Variants in FSTL4 observed in about 807,000 individuals in gnomAD.
FSTL4 encodes follistatin like 4.
In FSTL4, 28 loss-of-function variants were observed where a neutral mutation model predicts 78.2. That is an observed-to-expected ratio of 0.36 (90% CI 0.27 to 0.49). The LOEUF (loss-of-function observed/expected upper bound fraction) is 0.49, where lower values mean the gene tolerates loss of function less well. Among genes scored for constraint, FSTL4 ranks in the 20% least tolerant of loss-of-function variants. The pLI, the probability that FSTL4 is intolerant of heterozygous loss-of-function variation, is 0.98. For synonymous variants in FSTL4, 422 were observed against 440.5 expected (o/e 0.96, Z 0.53); for missense variants, 922 against 1,084.9 (o/e 0.85, Z 2.11).
At chr5:133,451,645 C>A (rs1463949245) in intron 3 of FSTL4, among the ~76,000 whole-genome samples, 2 of 152,154 alleles carry the variant, frequency 1.3e-5, no homozygotes, top group African/African-American at 4.8e-5. Flanking sequence ...TGGAGCAGAG[C>A]CACCACCTCT....
the FSTL4 span, among the ~76,000 whole-genome samples, chr5:133,680,559 TTGA>T: frequency 6.6e-6 from 1 of 152,228 alleles, no homozygotes; most frequent in Non-Finnish European, 1.5e-5. Flanking sequence ...TCTCCTCTTC[TTGA>T]TGATCTCATA....
At chr5:133,690,592 T>C in the FSTL4 span, among the ~76,000 whole-genome samples, 2 of 152,214 alleles carry the variant, frequency 1.3e-5, no homozygotes, top group Admixed American at 6.5e-5. Flanking sequence ...GTAGGGACTA[T>C]CAAGCATCTG....
At chr5:133,691,856 G>A in the FSTL4 span, among the ~76,000 whole-genome samples, 2 of 152,202 alleles carry the variant, frequency 1.3e-5, no homozygotes, top group African/African-American at 2.4e-5. Context: ...AGTGACGGCA[G>A]GGGATGGGAC....
intron 3 of FSTL4, among the ~76,000 whole-genome samples, chr5:133,545,584 T>A (rs934484609): frequency 1.3e-5 from 2 of 152,208 alleles, no homozygotes; most frequent in African/African-American, 4.8e-5. Context: ...TTACCCACTA[T>A]CAGGTATTTA....
chr5:133,257,321 C>T (rs774279636), intron 6 of FSTL4, among the ~76,000 whole-genome samples: 6 of 152,146 alleles, frequency 3.9e-5, no homozygotes, highest in Admixed American at 6.5e-5. Flanking sequence ...TCCTGTAAAG[C>T]CTGGTTGCCC....
At chr5:133,696,973 G>A in the FSTL4 span, among the ~76,000 whole-genome samples, 10 of 152,314 alleles carry the variant, frequency 6.6e-5, no homozygotes, top group East Asian at 9.7e-4. Flanking sequence ...ACACCCTAGC[G>A]TCAGGTCCTT....
intron 3 of FSTL4, among the ~76,000 whole-genome samples, chr5:133,451,320 G>C (rs896892191): frequency 2.0e-5 from 3 of 152,110 alleles, no homozygotes; most frequent in Non-Finnish European, 4.4e-5. Context: ...CAGCACTTTG[G>C]GAGGCAGAGG....
chr5:133,390,972 C>T (rs1580672775), intron 4 of FSTL4, among the ~76,000 whole-genome samples: 1 of 152,220 alleles, frequency 6.6e-6, no homozygotes, highest in Admixed American at 6.5e-5. Flanking sequence ...ACCCACTGTC[C>T]TCCCAGCCAC....
At chr5:133,438,374 A>C (rs563688879) in intron 3 of FSTL4, among the ~76,000 whole-genome samples, 11 of 152,212 alleles carry the variant, frequency 7.2e-5, no homozygotes, top group Non-Finnish European at 1.3e-4. Context: ...TGGTGTGGGT[A>C]TTTCAAAACC....
At chr5:133,291,487 T>C (rs1159626950) in intron 6 of FSTL4, among the ~76,000 whole-genome samples, 1 of 152,208 alleles carries the variant, frequency 6.6e-6, no homozygotes, top group Non-Finnish European at 1.5e-5. Context: ...GTGGCTGTGG[T>C]AGACACTGTA....
intron 6 of FSTL4, among the ~76,000 whole-genome samples, chr5:133,283,971 C>T (rs1335798947): frequency 6.6e-6 from 1 of 152,156 alleles, no homozygotes; most frequent in Non-Finnish European, 1.5e-5. Flanking sequence ...TTGAAAACAT[C>T]AGATCTTGTG....
chr5:133,259,977 A>G (rs977450935), intron 6 of FSTL4, among the ~76,000 whole-genome samples: 1 of 152,142 alleles, frequency 6.6e-6, no homozygotes, highest in Non-Finnish European at 1.5e-5. Flanking sequence ...CTCCCAAGGC[A>G]TTTGATTTGA....
intron 3 of FSTL4, among the ~76,000 whole-genome samples, chr5:133,481,336 T>A (rs1758023357): frequency 6.6e-6 from 1 of 151,424 alleles, no homozygotes; most frequent in African/African-American, 2.4e-5. Flanking sequence ...AGGCCAGGAG[T>A]TTGAGACCAG....
At chr5:133,433,976 T>C (rs983787860) in intron 3 of FSTL4, among the ~76,000 whole-genome samples, 5 of 152,074 alleles carry the variant, frequency 3.3e-5, no homozygotes, top group African/African-American at 1.2e-4. Context: ...TAGGATTTTT[T>C]TTCAAGGTGT....
At chr5:133,444,933 C>T (rs1480131223) in intron 3 of FSTL4, among the ~76,000 whole-genome samples, 1 of 152,214 alleles carries the variant, frequency 6.6e-6, no homozygotes, top group Non-Finnish European at 1.5e-5. Flanking sequence ...GTTTAACCCC[C>T]ACTGTCTCCT....
the FSTL4 span, among the ~76,000 whole-genome samples, chr5:133,630,415 A>G: frequency 2.2e-4 from 34 of 152,198 alleles, no homozygotes; most frequent in Middle Eastern, 3.2e-3. Context: ...AGAATAAAAT[A>G]CCTAGGAATC....
chr5:133,316,718 G>A (rs981557066), intron 4 of FSTL4, 66 bp from the exon 5 acceptor site: 8 of 1,348,962 alleles, frequency 5.9e-6, no homozygotes, highest in Non-Finnish European at 8.3e-6. Flanking sequence ...CATTCTTGCC[G>A]CTGGTCCATT....
chr5:133,488,333 C>A (rs2112865347), intron 3 of FSTL4, among the ~76,000 whole-genome samples: 1 of 152,348 alleles, frequency 6.6e-6, no homozygotes, highest in African/African-American at 2.4e-5. Flanking sequence ...CTGCTCACTG[C>A]AACCTCTGCC....
intron 14 of FSTL4, among the ~76,000 whole-genome samples, chr5:133,204,868 G>T (rs1750444532): frequency 6.6e-6 from 1 of 150,978 alleles, no homozygotes; most frequent in Admixed American, 6.6e-5. Flanking sequence ...CAGGCTTTTG[G>T]TTAACACTTC....
Sources: gnomAD v4.1 joint callset for allele counts (sites outside exome capture counted in the v4.1 genomes callset) on GRCh38, gnomAD v4.1.1 for gene constraint, MANE v1.5 for transcripts, NCBI Gene and HGNC (gene_info 2026-07-23, HGNC 2026-07-21) for gene names.